The following FARS2 variants were observed in gnomAD, a reference collection of about 807,000 sequenced individuals.
FARS2 encodes the protein phenylalanyl-tRNA synthetase 2, mitochondrial.
In FARS2, 40 loss-of-function variants were observed where a neutral mutation model predicts 46.4. The observed-to-expected ratio is 0.86, with a 90% CI of 0.67 to 1.12. The LOEUF is 1.12. Ranked by LOEUF, FARS2 falls within the 50% of genes most tolerant of loss-of-function variation. The probability of loss-of-function intolerance (pLI) is 0.00; values close to 1 mark genes in which losing one functional copy is unlikely to be tolerated. For missense variants in FARS2, 513 were observed against 567.9 expected (o/e 0.90, Z 0.98); for synonymous variants, 234 against 214.9 (o/e 1.09, Z -0.78).
At chr6:5,623,257 A>G (rs1775864480) in intron 6 of FARS2, among the ~76,000 whole-genome samples, 2 of 152,260 alleles carry the variant, frequency 1.3e-5, no homozygotes, top group Non-Finnish European at 2.9e-5. Flanking sequence ...TTTAAAATAA[A>G]GAATAACCTC....
At chr6:5,746,600 AT>A (rs1176591605) in intron 6 of FARS2, among the ~76,000 whole-genome samples, 11 of 129,662 alleles carry the variant, frequency 8.5e-5, no homozygotes, top group Admixed American at 6.8e-4. Flanking sequence ...TGGCAGCAGG[AT>A]TTGGCTGGTG....
intron 4 of FARS2, among the ~76,000 whole-genome samples, chr6:5,500,811 A>G (rs1668596551): frequency 6.6e-6 from 1 of 152,096 alleles, no homozygotes; most frequent in Admixed American, 6.5e-5. Context: ...AGTTGAAAGG[A>G]TAAAGGATAA....
In FARS2 at chr6:5,345,450, G is replaced by A. The variant is rs193211698; in HGVS notation, c.-21-23100G>A. 1.1e-4 allele frequency among the ~76,000 whole-genome samples: 16 copies of A among 152,272 alleles called. No individual in the cohort carries two copies. In the East Asian group the frequency reaches 3.1e-3, roughly 29 times the overall value. ...TTTGGCAGGAGTGTCACTTCACCCC[G>A]AGGTACAGTAAATTAAGAGCAGCAT... On this transcript the variant is annotated intron_variant, in intron 1 of 6. Transcript: ENST00000274680.
chr6:5,700,832 CTCTGCTGCACACCAGCAGTTCAGAGAG>C (rs1486352439), intron 6 of FARS2, among the ~76,000 whole-genome samples: 2 of 152,212 alleles, frequency 1.3e-5, no homozygotes, highest in Non-Finnish European at 2.9e-5. Flanking sequence ...GTGGGCCGCG[CTCTGCTGCACACCAGCAGTTCAGAGAG>C]TCCTGTCGTT....
intron 6 of FARS2, among the ~76,000 whole-genome samples, chr6:5,654,138 C>T (rs536786492): frequency 6.6e-6 from 1 of 152,266 alleles, no homozygotes; most frequent in South Asian, 2.1e-4. Flanking sequence ...TAGGGCCCTA[C>T]GTCCACAGAG....
At chr6:5,678,479 A>G (rs1282695017) in intron 6 of FARS2, among the ~76,000 whole-genome samples, 1 of 152,184 alleles carries the variant, frequency 6.6e-6, no homozygotes, top group Admixed American at 6.5e-5. Context: ...TTTCAGAGGC[A>G]CTAAGTTTAC....
intron 5 of FARS2, among the ~76,000 whole-genome samples, chr6:5,607,959 T>C (rs1774937524): frequency 6.7e-6 from 1 of 148,656 alleles, no homozygotes; most frequent in Admixed American, 6.8e-5. Flanking sequence ...ATTGATTATA[T>C]TGCTACTTTT....
intron 6 of FARS2, among the ~76,000 whole-genome samples, chr6:5,645,441 G>A (rs1350447300): frequency 6.6e-6 from 1 of 152,202 alleles, no homozygotes; most frequent in East Asian, 1.9e-4. Context: ...AAGGGATGAG[G>A]GACGAGTGCC....
At chr6:5,629,783 G>C (rs983044724) in intron 6 of FARS2, among the ~76,000 whole-genome samples, 6 of 152,052 alleles carry the variant, frequency 3.9e-5, no homozygotes, top group Non-Finnish European at 8.8e-5. Flanking sequence ...TTAGTGCCGG[G>C]GGCCTTGTGG....
intron 1 of FARS2, among the ~76,000 whole-genome samples, chr6:5,288,940 C>A (rs1467459719): frequency 6.6e-6 from 1 of 152,128 alleles, no homozygotes; most frequent in East Asian, 1.9e-4. Flanking sequence ...TAGATCAAGT[C>A]ATTTATTCTA....
intron 5 of FARS2, among the ~76,000 whole-genome samples, chr6:5,595,755 G>A (rs183362505): frequency 6.6e-6 from 1 of 152,112 alleles, no homozygotes; most frequent in Non-Finnish European, 1.5e-5. Context: ...ATATGTTTAC[G>A]ATACGCTTAC....
chr6:5,608,048 C>T (rs9504454), intron 5 of FARS2, among the ~76,000 whole-genome samples: 32,021 of 149,526 alleles, frequency 0.21, 3,499 homozygotes, highest in African/African-American at 0.22. Context: ...ATCTTTTTAT[C>T]GTGAACTTCA....
intron 6 of FARS2, among the ~76,000 whole-genome samples, chr6:5,625,806 C>T (rs556014391): frequency 6.6e-6 from 1 of 152,290 alleles, no homozygotes; most frequent in Admixed American, 6.5e-5. Flanking sequence ...TGCCCGCCTG[C>T]CCTGATGGTG....
At chr6:5,474,347 A>T (rs1240782882) in intron 4 of FARS2, among the ~76,000 whole-genome samples, 1 of 152,238 alleles carries the variant, frequency 6.6e-6, no homozygotes, top group Non-Finnish European at 1.5e-5. Context: ...GGAGACTCAC[A>T]GTCCCAAATT....
intron 6 of FARS2, among the ~76,000 whole-genome samples, chr6:5,715,198 G>A (rs1040408076): frequency 5.3e-5 from 8 of 152,042 alleles, no homozygotes; most frequent in African/African-American, 1.9e-4. Context: ...CTTGCCCAGG[G>A]TCACACAGCT....
At chr6:5,418,619 C>G (rs1014427) in intron 3 of FARS2, among the ~76,000 whole-genome samples, 24,027 of 152,160 alleles carry the variant, frequency 0.16, 2,555 homozygotes, top group East Asian at 0.46. Flanking sequence ...CACACATGAT[C>G]AGTGTTCAGT....
chr6:5,541,537 T>C (rs996790521), intron 4 of FARS2, among the ~76,000 whole-genome samples: 2 of 152,226 alleles, frequency 1.3e-5, no homozygotes, highest in Non-Finnish European at 2.9e-5. Context: ...ATTCATATTG[T>C]AGATAATCTT....
intron 1 of FARS2, among the ~76,000 whole-genome samples, chr6:5,362,070 A>T (rs753305118): frequency 6.6e-6 from 1 of 152,150 alleles, no homozygotes; most frequent in Non-Finnish European, 1.5e-5. Flanking sequence ...ATCCATGACC[A>T]TGTAACAGAT....
At chr6:5,479,252 C>T (rs943129392) in intron 4 of FARS2, among the ~76,000 whole-genome samples, 1 of 152,168 alleles carries the variant, frequency 6.6e-6, no homozygotes, top group African/African-American at 2.4e-5. Context: ...TAACATGCTG[C>T]CTACAAAATG....
Sources: allele counts gnomAD v4.1 joint callset (sites outside exome capture counted in the v4.1 genomes callset), GRCh38; gene constraint gnomAD v4.1.1; transcripts MANE v1.5; gene names NCBI Gene and HGNC (gene_info 2026-07-23, HGNC 2026-07-21).